PLSCR2: variants seen among roughly 807,000 people sequenced by gnomAD.
The protein encoded by PLSCR2 is PL scramblase 2.
Under a neutral mutation model 25.3 loss-of-function variants are expected in PLSCR2, and 18 were observed. The ratio of observed to expected loss-of-function variants is 0.71; its 90% confidence interval spans 0.49 to 1.06. The LOEUF is 1.06. Among genes scored for constraint, PLSCR2 ranks in the 50% least tolerant of loss-of-function variants. PLSCR2 has a pLI of 0.00. For missense variants in PLSCR2, 243 were observed against 269.5 expected (o/e 0.90, Z 0.69); for synonymous variants, 88 against 87.3 (o/e 1.01, Z -0.04).
At chr3:146,418,666 C>T (rs1190876965) in intron 2 of PLSCR2, among the ~76,000 whole-genome samples, 2 of 152,122 alleles carry the variant, frequency 1.3e-5, no homozygotes, top group South Asian at 2.1e-4. Context: ...GGATTCTGCC[C>T]TCTTGTCCTG....
At chr3:146,449,209 G>T in exon 6 of PLSCR2, 1 of 1,610,420 alleles carries the variant, frequency 6.2e-7, no homozygotes, top group Non-Finnish European at 8.5e-7. Flanking sequence ...GACTTACAAT[G>T]AGGAAACAGG....
At chr3:146,492,702 C>T (rs2043593891) in intron 1 of PLSCR2, among the ~76,000 whole-genome samples, 1 of 151,548 alleles carries the variant, frequency 6.6e-6, no homozygotes, top group Non-Finnish European at 1.5e-5. Flanking sequence ...TTAGAAAGTA[C>T]TCAAATTAAC....
At chr3:146,405,001 G>T (rs944358329) in intron 2 of PLSCR2, among the ~76,000 whole-genome samples, 7 of 152,118 alleles carry the variant, frequency 4.6e-5, no homozygotes, top group Non-Finnish European at 7.3e-5. Flanking sequence ...TGGCTTTACT[G>T]GTTTTGTTGT....
chr3:146,397,209 G>T (rs1355806617), intron 2 of PLSCR2, among the ~76,000 whole-genome samples: 1 of 152,098 alleles, frequency 6.6e-6, no homozygotes, highest in Non-Finnish European at 1.5e-5. Context: ...CCTTCATCCA[G>T]CCAGAAACAG....
chr3:146,439,155 G>T (rs1276793897), downstream of PLSCR2, among the ~76,000 whole-genome samples: 1 of 152,174 alleles, frequency 6.6e-6, no homozygotes, highest in African/African-American at 2.4e-5. Context: ...CTGTTAGTCT[G>T]ATGGGCTTCC....
chr3:146,450,139 G>C (rs1241753193), intron 5 of PLSCR2, among the ~76,000 whole-genome samples: 1 of 152,198 alleles, frequency 6.6e-6, no homozygotes, highest in African/African-American at 2.4e-5. Context: ...AGATGGGCAG[G>C]TAGTGGCGGA....
intron 5 of PLSCR2, among the ~76,000 whole-genome samples, chr3:146,451,107 CTTTTTTT>C (rs58373001): frequency 2.0e-4 from 16 of 79,484 alleles, no homozygotes; most frequent in Non-Finnish European, 3.0e-4. Context: ...ATTAAGTTTT[CTTTTTTT>C]TTTTTTTTTT....
At chr3:146,448,766 T>C (rs2040713621) in intron 6 of PLSCR2, among the ~76,000 whole-genome samples, 1 of 152,198 alleles carries the variant, frequency 6.6e-6, no homozygotes, top group Admixed American at 6.5e-5. Flanking sequence ...TCCTGTAAAT[T>C]GATAGTTAGC....
chr3:146,465,292 C>T (rs1257957175), upstream of PLSCR2, among the ~76,000 whole-genome samples: 2 of 152,078 alleles, frequency 1.3e-5, no homozygotes, highest in East Asian at 3.8e-4. Context: ...TTCATGAATT[C>T]CTAATATAAG....
intron 2 of PLSCR2, among the ~76,000 whole-genome samples, chr3:146,403,473 T>A (rs547719697): frequency 6.6e-6 from 1 of 152,208 alleles, no homozygotes; most frequent in Admixed American, 6.5e-5. Flanking sequence ...TTGATGCTGC[T>A]GTTCCAGGGA....
chr3:146,474,469 T>C (rs1350237774), intron 1 of PLSCR2, among the ~76,000 whole-genome samples: 1 of 152,194 alleles, frequency 6.6e-6, no homozygotes, highest in Non-Finnish European at 1.5e-5. Flanking sequence ...GCTCCCACTC[T>C]CTTCTGGCTT....
At chr3:146,487,928 A>T (rs2043404452) in intron 1 of PLSCR2, among the ~76,000 whole-genome samples, 1 of 152,200 alleles carries the variant, frequency 6.6e-6, no homozygotes, top group South Asian at 2.1e-4. Context: ...AAACTATTTT[A>T]CAAGGCTATA....
chr3:146,431,392 C>T (rs1373744576), downstream of PLSCR2, among the ~76,000 whole-genome samples: 1 of 152,176 alleles, frequency 6.6e-6, no homozygotes, highest in Non-Finnish European at 1.5e-5. Context: ...CATAAACATA[C>T]CCAGACACAA....
intron 1 of PLSCR2, among the ~76,000 whole-genome samples, chr3:146,484,209 C>A (rs2043260721): frequency 6.7e-6 from 1 of 149,270 alleles, no homozygotes; most frequent in African/African-American, 2.5e-5. Context: ...GACTATCTTG[C>A]TGAAATAAGG....
At chr3:146,404,647 G>A (rs962989639) in intron 2 of PLSCR2, among the ~76,000 whole-genome samples, 3 of 152,066 alleles carry the variant, frequency 2.0e-5, no homozygotes, top group African/African-American at 7.2e-5. Flanking sequence ...TCAACATCTA[G>A]AGTCTCATCT....
At chr3:146,425,169 G>A (rs1028555695) in intron 2 of PLSCR2, among the ~76,000 whole-genome samples, 7 of 152,070 alleles carry the variant, frequency 4.6e-5, no homozygotes, top group African/African-American at 1.7e-4. Flanking sequence ...AGGAAGCACT[G>A]AAACTATGTG....
At chr3:146,447,762 G>A (rs1256761335) in intron 6 of PLSCR2, among the ~76,000 whole-genome samples, 1 of 152,096 alleles carries the variant, frequency 6.6e-6, no homozygotes, top group Admixed American at 6.5e-5. Flanking sequence ...ACCGGGAGTT[G>A]CCCTGGAATT....
upstream of PLSCR2, chr3:146,461,774 C>A: frequency 1.4e-6 from 1 of 710,114 alleles, no homozygotes; most frequent in South Asian, 1.5e-5. Flanking sequence ...GGAAGAAGTT[C>A]ATCTAGGGAG....
At chr3:146,413,782 C>T (rs1301008384) in intron 2 of PLSCR2, among the ~76,000 whole-genome samples, 1 of 152,170 alleles carries the variant, frequency 6.6e-6, no homozygotes, top group Admixed American at 6.5e-5. Flanking sequence ...CCAGAATCAC[C>T]CTTAATTTTC....
Sources: allele counts gnomAD v4.1 joint callset (sites outside exome capture counted in the v4.1 genomes callset), GRCh38; gene constraint gnomAD v4.1.1; transcripts MANE v1.5; gene names NCBI Gene and HGNC (gene_info 2026-07-23, HGNC 2026-07-21).